PSME4: variants seen among roughly 807,000 people sequenced by gnomAD.
The protein encoded by PSME4 is proteasome activator complex subunit 4.
PSME4 carries 89 observed loss-of-function variants against 253.9 expected under a neutral mutation model. That is an observed-to-expected ratio of 0.35 (90% confidence interval 0.30 to 0.42). The LOEUF (loss-of-function observed/expected upper bound fraction) is 0.42, where lower values mean the gene tolerates loss of function less well. Among genes scored for constraint, PSME4 ranks in the 10% least tolerant of loss-of-function variants. The probability of loss-of-function intolerance (pLI) is 1.00; values close to 1 mark genes in which losing one functional copy is unlikely to be tolerated. For synonymous variants in PSME4, 851 were observed against 759.2 expected (o/e 1.12, Z -1.99); for missense variants, 2,014 against 2,195.2 (o/e 0.92, Z 1.65).
intron 1 of PSME4, among the ~76,000 whole-genome samples, chr2:53,957,570 G>T (rs1046526730): frequency 6.6e-6 from 1 of 152,148 alleles, no homozygotes; most frequent in Non-Finnish European, 1.5e-5. Context: ...AGGCAGTAAT[G>T]TGAGCAATGG....
At chr2:53,884,226 T>A (rs1388250977) in intron 41 of PSME4, among the ~76,000 whole-genome samples, 1 of 152,164 alleles carries the variant, frequency 6.6e-6, no homozygotes, top group Non-Finnish European at 1.5e-5. Flanking sequence ...TTTTCTTTTT[T>A]TTCGAGATGG....
intron 43 of PSME4, chr2:53,870,128 T>G (rs568016456): frequency 1.1e-4 from 17 of 152,338 alleles, no homozygotes; most frequent in Admixed American, 2.6e-4. Context: ...AAAAAGACAT[T>G]GTTTCACATA....
At chr2:53,912,107 T>C (rs1236073552) in intron 20 of PSME4, among the ~76,000 whole-genome samples, 1 of 152,238 alleles carries the variant, frequency 6.6e-6, no homozygotes, top group Non-Finnish European at 1.5e-5. Context: ...CCATATCTCC[T>C]ACACAGAGGT....
chr2:53,925,704 C>T lies in PSME4; in HGVS notation c.1659-15G>A. ...GTCCAAAACATCTAAATAATCCAAA[C>T]AAAGCATAATTTCAGCAACTAAAAT... On this transcript the variant is annotated splice_polypyrimidine_tract_variant and intron_variant, in intron 13 of 46. Transcript: ENST00000404125. 1 of 1,590,518 alleles carries T rather than the reference C, an allele frequency of 6.3e-7. No homozygotes were observed. The highest frequency in any genetic ancestry group is 1.1e-5 in the South Asian group (1 of 90,022).
chr2:53,954,051 C>T (rs991049446), intron 1 of PSME4, among the ~76,000 whole-genome samples: 4 of 152,176 alleles, frequency 2.6e-5, no homozygotes, highest in Non-Finnish European at 5.9e-5. Flanking sequence ...GTGGGCTGGC[C>T]GGGCGCGGTG....
intron 1 of PSME4, among the ~76,000 whole-genome samples, chr2:53,949,747 C>G (rs1365325357): frequency 6.6e-6 from 1 of 151,986 alleles, no homozygotes; most frequent in East Asian, 1.9e-4. Flanking sequence ...AAATGGAGAG[C>G]TGTTATTCAA....
Position 53,899,959 on chromosome 2 carries a change from A to G in PSME4, c.3344T>C (p.Ile1115Thr). 6.2e-7 allele frequency: 1 copy of G among 1,613,396 alleles called. No homozygotes were observed. The highest frequency in any genetic ancestry group is 8.5e-7 in the Non-Finnish European group (1 of 1,179,412). ...ELLQQSKNPSINQILLSPEKI... is the reference protein window; with the variant it reads ...ELLQQSKNPSTNQILLSPEKI... ...TTCTGGGCTAAGCAATATCTGGTTGATAGAGGGGTTTTTTGACTGTTGAAG... is the reference window on the plus strand; with the variant it reads ...TTCTGGGCTAAGCAATATCTGGTTGGTAGAGGGGTTTTTTGACTGTTGAAG... Residue 1115 changes from isoleucine (I) to threonine (T), a missense_variant, in exon 29 of 47, where the codon ATC (isoleucine) becomes ACC (threonine). Transcript: ENST00000404125.
intron 1 of PSME4, among the ~76,000 whole-genome samples, chr2:53,965,047 C>G (rs1401205305): frequency 2.0e-5 from 3 of 152,000 alleles, no homozygotes; most frequent in Non-Finnish European, 4.4e-5. Flanking sequence ...TCATCTTACA[C>G]CAAACCCACA....
At chr2:53,871,076 T>C (rs886331517) in intron 43 of PSME4, 1 of 152,224 alleles carries the variant, frequency 6.6e-6, no homozygotes, top group African/African-American at 2.4e-5. Context: ...AAAACTTAAA[T>C]GTGAACTACC....
At chr2:53,901,971 G>A (rs1263933695) in intron 27 of PSME4, among the ~76,000 whole-genome samples, 2 of 152,192 alleles carry the variant, frequency 1.3e-5, no homozygotes, top group Non-Finnish European at 2.9e-5. Flanking sequence ...GGAGGCTGAG[G>A]TGGGAGGATC....
chr2:53,923,276 T>C (rs1668405312), intron 15 of PSME4, 45 bp downstream of exon 15: 21 of 1,553,358 alleles, frequency 1.4e-5, no homozygotes, highest in Non-Finnish European at 1.7e-5. Context: ...ATAAACTAGT[T>C]GATTGTTGAG....
chr2:53,943,816 T>A (rs909030433), intron 3 of PSME4, among the ~76,000 whole-genome samples: 4 of 123,404 alleles, frequency 3.2e-5, no homozygotes, highest in African/African-American at 1.3e-4. Flanking sequence ...CACTCCAGCC[T>A]GGGCAACAAC....
chr2:53,963,339 AAC>A (rs1238628635), intron 1 of PSME4, among the ~76,000 whole-genome samples: 5 of 152,088 alleles, frequency 3.3e-5, no homozygotes, highest in Admixed American at 3.3e-4. Flanking sequence ...TTCAAAAAAA[AAC>A]ACACAAAAAA....
chr2:53,910,137 A>G lies in PSME4; in HGVS notation c.2517-7T>C. The G allele has an allele frequency of 6.2e-7, 1 of 1,602,618 alleles. No homozygotes were observed. The highest frequency in any genetic ancestry group is 8.6e-7 in the Non-Finnish European group (1 of 1,169,576). On this transcript the variant is annotated splice_region_variant and splice_polypyrimidine_tract_variant and intron_variant, in intron 20 of 46. Transcript: ENST00000404125. ...GGACACCATACTTGGTACTCTGTAT[A>G]AAAACAAGAGTGCTTGCATTTATTA... is the stretch of plus-strand genomic sequence containing the variant.
intron 1 of PSME4, among the ~76,000 whole-genome samples, chr2:53,954,273 A>G (rs572854252): frequency 6.6e-6 from 1 of 151,906 alleles, no homozygotes; most frequent in African/African-American, 2.4e-5. Flanking sequence ...GGTTGCAGTG[A>G]GCCAAGATCT....
chr2:53,899,945 G>C lies in PSME4; in HGVS notation c.3358C>G (p.Leu1120Val). 2 of 1,613,180 alleles carry C rather than the reference G, an allele frequency of 1.2e-6. No homozygotes were observed. Among genetic ancestry groups the C allele is most frequent in the Middle Eastern group, 1.6e-4 (1 of 6,062 alleles). ...CCTTCCTTAATTTTTTCTGGGCTAAGCAATATCTGGTTGATAGAGGGGTTT... is the reference window on the plus strand; with the variant it reads ...CCTTCCTTAATTTTTTCTGGGCTAACCAATATCTGGTTGATAGAGGGGTTT... ...SKNPSINQILLSPEKIKEGIK... is the reference protein window; with the variant it reads ...SKNPSINQILVSPEKIKEGIK... The change falls in exon 29 of 47, where the codon CTT becomes GTT. Residue 1120 changes from leucine (L) to valine (V), a missense_variant. Transcript: ENST00000404125.
intron 15 of PSME4, 87 bp from the exon 16 acceptor site, chr2:53,923,205 T>G (rs989724586): frequency 2.9e-5 from 43 of 1,474,764 alleles, no homozygotes; most frequent in Middle Eastern, 1.8e-4. Flanking sequence ...AGGCTGTAAA[T>G]AAGCAGCTAC....
At chr2:53,942,338 T>C (rs557756365) in intron 3 of PSME4, 5 of 152,648 alleles carry the variant, frequency 3.3e-5, no homozygotes, top group South Asian at 4.1e-4. Flanking sequence ...AAATGTATAA[T>C]ACTAAAGTGA....
chr2:53,932,172 G>C lies in PSME4; in HGVS notation c.1051-72C>G. 3.6e-6 allele frequency: 5 copies of C among 1,382,542 alleles called. No individual in the cohort carries two copies. The South Asian group carries it at 5.5e-5, about 15-fold the overall frequency. 85.6% of individuals were successfully genotyped at this position (1,382,542 alleles called of 1,614,324 possible). A position where few individuals can be genotyped will look rare whatever the true frequency, so the allele number is the denominator to read the frequency against. ...CATAGACATTCATGGTTGCTCTCTAGCTTCTTGAGAAAAGATTTTAAAAAT... is the reference window on the plus strand; with the variant it reads ...CATAGACATTCATGGTTGCTCTCTACCTTCTTGAGAAAAGATTTTAAAAAT... On this transcript the variant is annotated intron_variant, in intron 9 of 46. Transcript: ENST00000404125.
Sources: allele counts gnomAD v4.1 joint callset (sites outside exome capture counted in the v4.1 genomes callset), GRCh38; gene constraint gnomAD v4.1.1; transcripts MANE v1.5; gene names NCBI Gene and HGNC (gene_info 2026-07-23, HGNC 2026-07-21).